DPP9: variants seen among roughly 807,000 people sequenced by gnomAD.
DPP9 encodes the protein dipeptidyl peptidase 9, also known as dipeptidyl peptidase IV-related protein-2.
DPP9 carries 50 observed loss-of-function variants against 110.7 expected under a neutral mutation model. That is an observed-to-expected ratio of 0.45 (90% confidence interval 0.36 to 0.57). DPP9 has a LOEUF of 0.57. DPP9 is among the 20% of genes least tolerant of loss of function. The pLI is 0.00. For missense variants in DPP9, 1,022 were observed against 1,217.9 expected (o/e 0.84, Z 2.39); for synonymous variants, 561 against 514.4 (o/e 1.09, Z -1.23).
At chr19:4,688,555 C>A in intron 16 of DPP9, 1 of 650,808 alleles carries the variant, frequency 1.5e-6, no homozygotes. Context: ...TACTGCAGCT[C>A]GAACCCAGGA....
Position 4,694,891 on chromosome 19 carries a change from T to G in DPP9, c.1354-68A>C. 1 of 1,515,448 alleles carries G rather than the reference T, an allele frequency of 6.6e-7. No homozygotes were observed. Among genetic ancestry groups the G allele is most frequent in the Non-Finnish European group, 9.1e-7 (1 of 1,104,530 alleles). 93.9% of individuals were successfully genotyped at this position (1,515,448 alleles called of 1,614,324 possible). A position where few individuals can be genotyped will look rare whatever the true frequency, so the allele number is the denominator to read the frequency against. ...GGCCGGGCATGGTGGCTCACACCAG[T>G]AATCCCAGTAGTTTGGGAGGCTGGG... On this transcript the variant is annotated intron_variant, in intron 12 of 21. Coordinates refer to ENST00000262960, the MANE Select transcript of DPP9 (RefSeq NM_139159.5). This position sits in a 1 kb window ranked among gnomAD's most constrained non-coding sequence, Gnocchi z 4.0.
rs528658188 is a variant in DPP9, at chr19:4,690,844, G to A, written c.1596+34C>T. The A allele has an allele frequency of 4.0e-5, 63 of 1,556,380 alleles. No individual in the cohort carries two copies. The African/African-American group carries it at 7.3e-4, about 18-fold the overall frequency. ...GTATGTGTGTAAAACACACATGCATGGAGCAGGGGAAGGCTGCAAGGAGAC... is the reference window on the plus strand; with the variant it reads ...GTATGTGTGTAAAACACACATGCATAGAGCAGGGGAAGGCTGCAAGGAGAC... On this transcript the variant is annotated intron_variant, in intron 14 of 21. Transcript: ENST00000262960.
chr19:4,683,034 C>T lies in DPP9; in HGVS notation c.2332-196G>A, dbSNP rs537726029. 1.2e-4 allele frequency: 185 copies of T among 1,517,738 alleles called. 1 individual carries two copies. In the East Asian group the frequency reaches 3.9e-3, roughly 32 times the overall value. The allele number at this position is 1,517,738 out of a possible 1,614,324, so 94.0% of individuals were successfully genotyped here. A position where few individuals can be genotyped will look rare whatever the true frequency, so the allele number is the denominator to read the frequency against. On this transcript the variant is annotated intron_variant, in intron 19 of 21. Transcript: ENST00000262960. ...GTGCGTGGCATGGGGGTGGGCAGGG[C>T]GCCACAGGCGGGCAGGTGCGGCCCC...
rs1284897676 is a variant in DPP9 at position 4,687,636 on chromosome 19, T to C, written c.1885+1121A>G. On this transcript the variant is annotated intron_variant, in intron 16 of 21. Coordinates refer to ENST00000262960, the MANE Select transcript of DPP9 (RefSeq NM_139159.5). The surrounding 1 kb of genome is among the most constrained non-coding windows in gnomAD (Gnocchi z 4.7). ...GCAGGTGCTGCTGTGGGCGGCAGCC[T>C]CTGGGCACAGGACACCATAAAGGGC... Among the ~76,000 whole-genome samples, 1 of 152,060 alleles carries C rather than the reference T, an allele frequency of 6.6e-6. No homozygotes were observed. Among genetic ancestry groups the C allele is most frequent in the Non-Finnish European group, 1.5e-5 (1 of 68,026 alleles).
chr19:4,714,367 A>G lies in DPP9; in HGVS notation c.57-30T>C, dbSNP rs564691562. 6 of 1,462,668 alleles carry G rather than the reference A, an allele frequency of 4.1e-6. No individual in the cohort carries two copies. The East Asian group carries it at 7.5e-5, about 18-fold the overall frequency. The allele number at this position is 1,462,668 out of a possible 1,614,324, so 90.6% of individuals were successfully genotyped here. A position where few individuals can be genotyped will look rare whatever the true frequency, so the allele number is the denominator to read the frequency against. On this transcript the variant is annotated intron_variant, in intron 3 of 21. Coordinates refer to ENST00000262960, the MANE Select transcript of DPP9 (RefSeq NM_139159.5). ...GGGGAGGAAGCAAAGACTATGAGAA[A>G]GGAGAACTGTTTTACCTACGAGCTG...
At position 4,685,775 on chromosome 19, in the gene DPP9, C is replaced by A. The variant is rs760255304; in HGVS notation, c.1886-4G>T. 8 of 1,611,790 alleles carry A rather than the reference C, an allele frequency of 5.0e-6. No individual in the cohort carries two copies. In the East Asian group the frequency reaches 8.9e-5, roughly 18 times the overall value. Reference sequence around the variant, plus strand: ...GGAACATAATCCGGGGGGCAGCCTGCGGGAGACAGGGCGGCTATCTGGCTG... The same window carrying A: ...GGAACATAATCCGGGGGGCAGCCTGAGGGAGACAGGGCGGCTATCTGGCTG... On this transcript the variant is annotated splice_region_variant and splice_polypyrimidine_tract_variant and intron_variant, in intron 16 of 21. Transcript: ENST00000262960. This position sits in a 1 kb window ranked among gnomAD's most constrained non-coding sequence, Gnocchi z 5.8.
chr19:4,685,860 G>C lies in DPP9; in HGVS notation c.1886-89C>G, dbSNP rs1428996544. 6.7e-7 allele frequency: 1 copy of C among 1,492,208 alleles called. No individual in the cohort carries two copies. Among genetic ancestry groups the C allele is most frequent in the Admixed American group, 2.1e-5 (1 of 48,230 alleles). The allele number at this position is 1,492,208 out of a possible 1,614,324, so 92.4% of individuals were successfully genotyped here. Reference sequence around the variant, plus strand: ...CTCCTGCCCACCCCAAGCCTTGGAGGGTGGACCAAAGCACCCCCTCTTTTC... The same window carrying C: ...CTCCTGCCCACCCCAAGCCTTGGAGCGTGGACCAAAGCACCCCCTCTTTTC... On this transcript the variant is annotated intron_variant, in intron 16 of 21. Coordinates refer to ENST00000262960, the MANE Select transcript of DPP9 (RefSeq NM_139159.5). This position sits in a 1 kb window ranked among gnomAD's most constrained non-coding sequence, Gnocchi z 5.8.
In DPP9 at chr19:4,707,656, C is replaced by T. The variant is rs139218094; in HGVS notation, c.314-1686G>A. The stretch of plus-strand genomic sequence containing the variant: ...TTTTTTTTTTTCTGAGACACAGTCT[C>T]GCTCTGTCGCCCAGACTGGAGTGCA... On this transcript the variant is annotated intron_variant, in intron 4 of 21. Coordinates refer to ENST00000262960, the MANE Select transcript of DPP9 (RefSeq NM_139159.5). Among the ~76,000 whole-genome samples, 129 of 133,918 alleles carry T rather than the reference C, an allele frequency of 9.6e-4. 2 individuals carry two copies. In the East Asian group the frequency reaches 0.026, roughly 27 times the overall value. The allele number at this position is 133,918 out of a possible 152,430, so 87.9% of individuals were successfully genotyped here. A position where few individuals can be genotyped will look rare whatever the true frequency, so the allele number is the denominator to read the frequency against.
intron 3 of DPP9, chr19:4,719,087 T>C (rs960922030): frequency 6.6e-6 from 1 of 152,060 alleles, no homozygotes; most frequent in African/African-American, 2.4e-5. Context: ...CCCAGCACTT[T>C]GGGAGGCCGA....
intron 2 of DPP9, among the ~76,000 whole-genome samples, chr19:4,720,960 T>C (rs564560032): frequency 1.4e-4 from 21 of 152,320 alleles, no homozygotes; most frequent in African/African-American, 4.8e-4. Context: ...GATTTCAATG[T>C]GTGCAGCCTC....
chr19:4,702,203 C>A (rs769072714), intron 8 of DPP9, 48 bp from the exon 9 acceptor site: 15 of 1,573,546 alleles, frequency 9.5e-6, no homozygotes, highest in Non-Finnish European at 1.3e-5. Context: ...GAGGCAGAGT[C>A]CCTGCCATCA....
At chr19:4,696,602 T>C (rs1029468109) in intron 11 of DPP9, among the ~76,000 whole-genome samples, 5 of 151,570 alleles carry the variant, frequency 3.3e-5, no homozygotes, top group African/African-American at 1.2e-4. Flanking sequence ...CTACTAAAAA[T>C]ACAAAAATTG....
rs889957666 is a variant in DPP9 at position 4,687,828 on chromosome 19, C to T, written c.1885+929G>A. Among the ~76,000 whole-genome samples the T allele has an allele frequency of 3.3e-5, 5 of 151,994 alleles. No individual in the cohort carries two copies. Among genetic ancestry groups the T allele is most frequent in the South Asian group, 2.1e-4 (1 of 4,820 alleles). On this transcript the variant is annotated intron_variant, in intron 16 of 21. Coordinates refer to ENST00000262960, the MANE Select transcript of DPP9 (RefSeq NM_139159.5). This position sits in a 1 kb window ranked among gnomAD's most constrained non-coding sequence, Gnocchi z 4.7. ...GTTTTTTTTTTTTGAGACGGAGTCT[C>T]GCTCTGTCGCCCAGGCTAAAGTACA...
Position 4,689,591 on chromosome 19 carries a change from G to C in DPP9, c.1728C>G (p.Ser576=). Residue 576 remains serine, a synonymous_variant, in exon 15 of 22, where the codon TCC becomes TCG. Coordinates refer to ENST00000262960, the MANE Select transcript of DPP9 (RefSeq NM_139159.5). This position sits in a 1 kb window ranked among gnomAD's most constrained non-coding sequence, Gnocchi z 7.0. ...CCACCTGGCTCATGGAGCAGCTATG[G>C]GAGAAGCCGGGCGTGGTGAGGCGTA... ...EIVRLTTPGF[S]HSCSMSQNFD... The C allele has an allele frequency of 1.3e-6, 2 of 1,568,912 alleles. No individual in the cohort carries two copies. The highest frequency in any genetic ancestry group is 1.7e-6 in the Non-Finnish European group (2 of 1,158,904).
chr19:4,714,716 C>T (rs2092994392), intron 3 of DPP9, among the ~76,000 whole-genome samples: 1 of 151,976 alleles, frequency 6.6e-6, no homozygotes, highest in Non-Finnish European at 1.5e-5. Flanking sequence ...GAAACCACCT[C>T]CCACCAGGAT....
rs559270249 is a variant in DPP9 at position 4,682,010 on chromosome 19, G to C, written c.2474+686C>G. Among the ~76,000 whole-genome samples, 394 of 151,804 alleles carry C rather than the reference G, an allele frequency of 2.6e-3. 3 individuals carry two copies. Among genetic ancestry groups the C allele is most frequent in the South Asian group, 0.017 (82 of 4,808 alleles). On this transcript the variant is annotated intron_variant, in intron 20 of 21. Transcript: ENST00000262960. This position sits in a 1 kb window ranked among gnomAD's most constrained non-coding sequence, Gnocchi z 7.1. ...ACTACAGGCACCCGCCACCACACCC[G>C]GCTAATTTTTTGTATTTTTAGTAGA...
At chr19:4,717,083 C>G (rs188912876) in intron 3 of DPP9, among the ~76,000 whole-genome samples, 5 of 152,128 alleles carry the variant, frequency 3.3e-5, no homozygotes, top group African/African-American at 9.7e-5. Context: ...CCAACTCGAC[C>G]CCAAAGAAAT....
At position 4,695,296 on chromosome 19, in the gene DPP9, C is replaced by T; in HGVS notation, c.1353+82G>A. 7.1e-7 allele frequency: 1 copy of T among 1,412,878 alleles called. No individual in the cohort carries two copies. Among genetic ancestry groups the T allele is most frequent in the Non-Finnish European group, 9.4e-7 (1 of 1,063,530 alleles). 87.5% of individuals were successfully genotyped at this position (1,412,878 alleles called of 1,614,324 possible). A position where few individuals can be genotyped will look rare whatever the true frequency, so the allele number is the denominator to read the frequency against. On this transcript the variant is annotated intron_variant, in intron 12 of 21. Transcript: ENST00000262960. This position sits in a 1 kb window ranked among gnomAD's most constrained non-coding sequence, Gnocchi z 4.7. ...GGGCAAACACCACCTGCCATTGGCG[C>T]TCAGCCTTCTAGGACGTGGGGGTGG... is the stretch of plus-strand genomic sequence containing the variant.
rs74840661 is a variant in DPP9, at chr19:4,700,640, C to T, written c.1013-363G>A. Among the ~76,000 whole-genome samples the T allele has an allele frequency of 0.019, 2,828 of 152,288 alleles. 48 individuals are homozygous for T. Among genetic ancestry groups the T allele is most frequent in the African/African-American group, 0.044 (1,811 of 41,554 alleles). On this transcript the variant is annotated intron_variant, in intron 9 of 21. Transcript: ENST00000262960. This position sits in a 1 kb window ranked among gnomAD's most constrained non-coding sequence, Gnocchi z 4.3. ...TGCCTTGGGAGAGCTCCAGAGCAGA[C>T]GGTGAAGCCCGAGGCATCACAGTAA... is the stretch of plus-strand genomic sequence containing the variant.
Sources: allele counts gnomAD v4.1 joint callset (sites outside exome capture counted in the v4.1 genomes callset), GRCh38; gene constraint gnomAD v4.1.1; non-coding constraint Gnocchi (gnomAD v3.1); transcripts MANE v1.5; gene names NCBI Gene and HGNC (gene_info 2026-07-23, HGNC 2026-07-21).